The following ASCC1 variants were observed in gnomAD, a reference collection of about 807,000 sequenced individuals.
The protein encoded by ASCC1 is ASC-1 complex subunit P50.
A neutral mutation model predicts 46.6 loss-of-function variants in ASCC1; 35 were observed. The ratio of observed to expected loss-of-function variants is 0.75; its 90% CI spans 0.57 to 0.99. ASCC1 has a LOEUF of 0.99. Ranked by LOEUF, ASCC1 falls within the 50% of genes least tolerant of loss-of-function variation. The pLI, the probability that ASCC1 is intolerant of heterozygous loss-of-function variation, is 0.00. For missense variants in ASCC1, 376 were observed against 428.7 expected (o/e 0.88, Z 1.09); for synonymous variants, 143 against 146.6 (o/e 0.98, Z 0.18).
At chr10:72,111,665 G>A (rs1195983629) in intron 9 of ASCC1, among the ~76,000 whole-genome samples, 2 of 151,142 alleles carry the variant, frequency 1.3e-5, no homozygotes, top group African/African-American at 2.4e-5. Context: ...TTTTGGAAAC[G>A]GAGTCTCTCA....
At chr10:72,136,268 C>T (rs1175268714) in intron 7 of ASCC1, among the ~76,000 whole-genome samples, 2 of 152,118 alleles carry the variant, frequency 1.3e-5, no homozygotes, top group Non-Finnish European at 2.9e-5. Flanking sequence ...CACCAATCGG[C>T]ACTCTGTAAA....
intron 7 of ASCC1, among the ~76,000 whole-genome samples, chr10:72,141,100 T>A (rs1489100631): frequency 6.6e-6 from 1 of 151,488 alleles, no homozygotes; most frequent in African/African-American, 2.4e-5. Context: ...GATATAGACA[T>A]AGAGATATAG....
chr10:72,110,616 G>A (rs1445826602), intron 9 of ASCC1, among the ~76,000 whole-genome samples: 2 of 152,126 alleles, frequency 1.3e-5, no homozygotes, highest in Non-Finnish European at 2.9e-5. Flanking sequence ...GTGAAACCCC[G>A]TCTCTACTAA....
intron 1 of ASCC1, among the ~76,000 whole-genome samples, chr10:72,214,271 A>G (rs1858690838): frequency 6.6e-6 from 1 of 151,856 alleles, no homozygotes; most frequent in Non-Finnish European, 1.5e-5. Context: ...CAGCCTGTCC[A>G]TGGCTTTGAA....
At chr10:72,122,379 C>T (rs987012751) in intron 9 of ASCC1, among the ~76,000 whole-genome samples, 3 of 149,728 alleles carry the variant, frequency 2.0e-5, no homozygotes, top group Admixed American at 2.0e-4. Flanking sequence ...AAAATCGTGC[C>T]ACTGCACTCC....
intron 5 of ASCC1, among the ~76,000 whole-genome samples, chr10:72,171,861 C>T (rs1851133325): frequency 6.6e-6 from 1 of 152,192 alleles, no homozygotes; most frequent in Non-Finnish European, 1.5e-5. Flanking sequence ...TCACATGCCC[C>T]CTTCCCAAAA....
chr10:72,138,288 G>C lies in ASCC1; in HGVS notation c.747-5107C>G, dbSNP rs554729942. ...CCCCTTAATCTCTTGAAGAAAAAAAGTAGACAGGGAGTTCAGCTATATAAA... is the reference window on the plus strand; with the variant it reads ...CCCCTTAATCTCTTGAAGAAAAAAACTAGACAGGGAGTTCAGCTATATAAA... On this transcript the variant is annotated intron_variant, in intron 7 of 9. Coordinates refer to ENST00000672957, the MANE Select transcript of ASCC1 (RefSeq NM_001198800.3). Among the ~76,000 whole-genome samples the C allele has an allele frequency of 2.0e-5, 3 of 152,298 alleles. No homozygotes were observed. The East Asian group carries it at 5.8e-4, about 29-fold the overall frequency.
chr10:72,142,131 CTA>C (rs1420310767), intron 7 of ASCC1, among the ~76,000 whole-genome samples: 1 of 152,070 alleles, frequency 6.6e-6, no homozygotes, highest in African/African-American at 2.4e-5. Context: ...TAGACAGTAT[CTA>C]TTTTTATTTT....
chr10:72,181,649 AC>A lies in ASCC1; in HGVS notation c.489+15161del, dbSNP rs780544918. On this transcript the variant is annotated intron_variant, in intron 5 of 9. Coordinates refer to ENST00000672957, the MANE Select transcript of ASCC1 (RefSeq NM_001198800.3). The stretch of plus-strand genomic sequence containing the variant: ...GGAAAACTGAAGCAGAGAAAAAAAA[AC>A]GTCTGGACAGAATCTCAGTAACTTG... Among the ~76,000 whole-genome samples, 9 of 152,146 alleles carry A rather than the reference AC, an allele frequency of 5.9e-5. No homozygotes were observed. The East Asian group carries it at 1.7e-3, about 29-fold the overall frequency.
intron 3 of ASCC1, among the ~76,000 whole-genome samples, chr10:72,204,029 G>C (rs956754941): frequency 2.0e-5 from 3 of 152,108 alleles, no homozygotes; most frequent in Non-Finnish European, 4.4e-5. Context: ...TGGGCAGATT[G>C]CCTGAGGTCA....
At chr10:72,142,400 T>C (rs1171096218) in intron 7 of ASCC1, among the ~76,000 whole-genome samples, 1 of 150,056 alleles carries the variant, frequency 6.7e-6, no homozygotes, top group Non-Finnish European at 1.5e-5. Context: ...TGAGTCTTCC[T>C]CTGTTGCCCA....
intron 3 of ASCC1, among the ~76,000 whole-genome samples, chr10:72,209,682 G>C (rs1857763093): frequency 1.3e-5 from 2 of 152,188 alleles, no homozygotes; most frequent in Admixed American, 1.3e-4. Context: ...TACTCAGGAG[G>C]CTGAGGCAGG....
intron 9 of ASCC1, among the ~76,000 whole-genome samples, chr10:72,121,851 A>G (rs1483016932): frequency 6.6e-6 from 1 of 152,208 alleles, no homozygotes; most frequent in Non-Finnish European, 1.5e-5. Flanking sequence ...AGAAGGCATA[A>G]AATCAGTGAG....
At chr10:72,189,175 C>T (rs535639197) in intron 5 of ASCC1, among the ~76,000 whole-genome samples, 162 of 151,312 alleles carry the variant, frequency 1.1e-3, no homozygotes, top group Non-Finnish European at 9.0e-4. Context: ...CCGAGGCGGG[C>T]GGATCATGAA....
At chr10:72,127,406 C>T (rs1056918310) in intron 9 of ASCC1, among the ~76,000 whole-genome samples, 2 of 152,172 alleles carry the variant, frequency 1.3e-5, no homozygotes, top group Non-Finnish European at 2.9e-5. Context: ...TAATTCAACA[C>T]TCAGAAAGGC....
At chr10:72,183,667 T>TA (rs1352444812) in intron 5 of ASCC1, among the ~76,000 whole-genome samples, 1 of 151,734 alleles carries the variant, frequency 6.6e-6, no homozygotes, top group Admixed American at 6.6e-5. Flanking sequence ...TGTTTTTCAA[T>TA]AAAAAATAAA....
intron 9 of ASCC1, among the ~76,000 whole-genome samples, chr10:72,119,465 C>T (rs1564602375): frequency 6.6e-6 from 1 of 152,200 alleles, no homozygotes; most frequent in East Asian, 1.9e-4. Context: ...AGGAACCCCA[C>T]CTCAGCTCCC....
intron 9 of ASCC1, among the ~76,000 whole-genome samples, chr10:72,118,363 T>C (rs1238019369): frequency 7.1e-6 from 1 of 141,164 alleles, no homozygotes; most frequent in Admixed American, 7.1e-5. Flanking sequence ...CGAGACTCCA[T>C]CTCAAAAAAA....
At chr10:72,102,564 C>T (rs574297856) in intron 9 of ASCC1, among the ~76,000 whole-genome samples, 13 of 152,258 alleles carry the variant, frequency 8.5e-5, no homozygotes, top group African/African-American at 3.1e-4. Flanking sequence ...TAGTTTGTCA[C>T]TTGTCTTTTG....
Sources: gnomAD v4.1 joint callset for allele counts (sites outside exome capture counted in the v4.1 genomes callset) on GRCh38, gnomAD v4.1.1 for gene constraint, MANE v1.5 for transcripts, NCBI Gene and HGNC (gene_info 2026-07-23, HGNC 2026-07-21) for gene names.